EYS: variants seen among roughly 807,000 people sequenced by gnomAD.
EYS encodes the protein protein eyes shut homolog.
A neutral mutation model predicts 282.1 loss-of-function variants in EYS; 250 were observed. The observed-to-expected ratio is 0.89, with a 90% CI of 0.80 to 0.98. The LOEUF (loss-of-function observed/expected upper bound fraction) is 0.98, where lower values mean the gene tolerates loss of function less well. Ranked by LOEUF, EYS falls within the 50% of genes least tolerant of loss-of-function variation. EYS has a pLI of 0.00. For missense variants in EYS, 4,016 were observed against 3,709.0 expected, an observed-to-expected ratio of 1.08 and a Z score of -2.15; for synonymous variants, 1,355 against 1,282.9, an observed-to-expected ratio of 1.06 and a Z score of -1.20.
intron 15 of EYS, among the ~76,000 whole-genome samples, chr6:64,917,019 G>A (rs1768186911): frequency 6.6e-6 from 1 of 152,196 alleles, no homozygotes; most frequent in Non-Finnish European, 1.5e-5. Context: ...GGGAGTCCGA[G>A]GCGGGTGGAT....
intron 31 of EYS, among the ~76,000 whole-genome samples, chr6:64,168,177 C>T (rs866557227): frequency 1.3e-5 from 2 of 152,156 alleles, no homozygotes; most frequent in African/African-American, 2.4e-5. Flanking sequence ...AGGAGAATGG[C>T]GTGAACCCGG....
At chr6:64,391,679 A>G (rs1773153271) in intron 28 of EYS, among the ~76,000 whole-genome samples, 1 of 152,136 alleles carries the variant, frequency 6.6e-6, no homozygotes. Context: ...TCATGCCAAA[A>G]TGTAAAGACC....
At chr6:64,082,439 A>G (rs1772004546) in intron 31 of EYS, among the ~76,000 whole-genome samples, 1 of 152,166 alleles carries the variant, frequency 6.6e-6, no homozygotes, top group African/African-American at 2.4e-5. Flanking sequence ...TTGATACAGG[A>G]ATACAATGTA....
intron 18 of EYS, among the ~76,000 whole-genome samples, chr6:64,891,691 A>G (rs1408120320): frequency 6.6e-6 from 1 of 152,112 alleles, no homozygotes; most frequent in African/African-American, 2.4e-5. Context: ...CCTGATTTTT[A>G]TTAATGTCCT....
Position 65,474,081 on chromosome 6 carries a change from G to A in EYS, c.862+16513C>T, listed in dbSNP as rs189257701. Among the ~76,000 whole-genome samples the A allele has an allele frequency of 6.7e-4, 102 of 152,164 alleles. 2 individuals are homozygous for A. Among genetic ancestry groups the A allele is most frequent in the Admixed American group, 6.6e-3 (101 of 15,278 alleles). On this transcript the variant is annotated intron_variant, in intron 5 of 42. Transcript: ENST00000503581. ...TGAAAAGAAAGACTATCAAGTAGGT[G>A]TATCCATCAATTAGTGAGGAGAAAC...
intron 31 of EYS, among the ~76,000 whole-genome samples, chr6:64,142,046 A>AG (rs1774353719): frequency 6.6e-6 from 1 of 152,038 alleles, no homozygotes; most frequent in African/African-American, 2.4e-5. Context: ...TACTGGCCTT[A>AG]GGGGAGGAAG....
intron 1 of EYS, among the ~76,000 whole-genome samples, chr6:65,660,361 A>G (rs181307558): frequency 1.3e-5 from 2 of 151,748 alleles, no homozygotes; most frequent in African/African-American, 4.8e-5. Flanking sequence ...TCTTGTATTT[A>G]TTTAATTTAT....
At chr6:64,959,346 C>T (rs1009899126) in intron 14 of EYS, among the ~76,000 whole-genome samples, 66 of 152,160 alleles carry the variant, frequency 4.3e-4, no homozygotes, top group African/African-American at 1.6e-3. Context: ...AATCATTACT[C>T]CTCTCCTCAG....
At chr6:63,994,302 A>T (rs1243391270) in intron 34 of EYS, among the ~76,000 whole-genome samples, 2 of 151,930 alleles carry the variant, frequency 1.3e-5, no homozygotes, top group African/African-American at 4.8e-5. Context: ...GCAAGCCTTA[A>T]GTAGGAACAG....
chr6:64,532,690 C>T (rs745375020), intron 26 of EYS, among the ~76,000 whole-genome samples: 34 of 152,104 alleles, frequency 2.2e-4, no homozygotes, highest in Admixed American at 5.9e-4. Flanking sequence ...GCCTGGGTGA[C>T]GGAGTGAGAC....
chr6:64,887,179 G>T (rs1767119769), intron 18 of EYS, among the ~76,000 whole-genome samples: 1 of 147,808 alleles, frequency 6.8e-6, no homozygotes, highest in Admixed American at 7.0e-5. Context: ...CTATCACAAG[G>T]ACAAAAAACC....
intron 33 of EYS, among the ~76,000 whole-genome samples, chr6:64,059,429 T>G (rs1490151869): frequency 6.6e-6 from 1 of 152,198 alleles, no homozygotes; most frequent in Middle Eastern, 3.2e-3. Flanking sequence ...TTCAAATATG[T>G]TTTTTAAACA....
intron 33 of EYS, among the ~76,000 whole-genome samples, chr6:64,039,881 T>A (rs767035080): frequency 9.3e-4 from 141 of 152,178 alleles, no homozygotes; most frequent in Non-Finnish European, 1.9e-3. Context: ...TTTTAAGAAT[T>A]TTGATGTGCA....
intron 35 of EYS, among the ~76,000 whole-genome samples, chr6:63,948,460 C>T (rs926168914): frequency 3.3e-5 from 5 of 152,176 alleles, no homozygotes; most frequent in Non-Finnish European, 7.3e-5. Context: ...TGCACTGATG[C>T]CTGCCTCCAG....
chr6:65,365,098 C>G, intron 8 of EYS, among the ~76,000 whole-genome samples: 1 of 151,714 alleles, frequency 6.6e-6, no homozygotes, highest in East Asian at 1.9e-4. Flanking sequence ...AGGACTTCAG[C>G]CAACTATCAA....
chr6:64,648,654 A>G (rs4710482), intron 22 of EYS, among the ~76,000 whole-genome samples: 97,236 of 151,964 alleles, frequency 0.64, 31,339 homozygotes, highest in African/African-American at 0.71. Flanking sequence ...CAAAATTACA[A>G]GGTAAACGAT....
intron 35 of EYS, among the ~76,000 whole-genome samples, chr6:63,885,804 G>T (rs1254717631): frequency 6.6e-6 from 1 of 152,010 alleles, no homozygotes; most frequent in Non-Finnish European, 1.5e-5. Flanking sequence ...ACCCAATTCG[G>T]GACTAAAAAG....
At chr6:64,813,973 C>T (rs568622813) in intron 21 of EYS, among the ~76,000 whole-genome samples, 3 of 152,076 alleles carry the variant, frequency 2.0e-5, no homozygotes, top group South Asian at 2.1e-4. Flanking sequence ...TGCTCTCCTA[C>T]GGTAATGATT....
At chr6:65,509,733 G>A (rs987059919) in intron 2 of EYS, among the ~76,000 whole-genome samples, 3 of 152,070 alleles carry the variant, frequency 2.0e-5, no homozygotes, top group Non-Finnish European at 2.9e-5. Context: ...ATTTTTCTCA[G>A]TACTTTCAAA....
Sources: gnomAD v4.1 joint callset for allele counts (sites outside exome capture counted in the v4.1 genomes callset) on GRCh38, gnomAD v4.1.1 for gene constraint, MANE v1.5 for transcripts, NCBI Gene and HGNC (gene_info 2026-07-23, HGNC 2026-07-21) for gene names.